Variants in CNTLN observed in about 807,000 individuals in gnomAD.
The protein encoded by CNTLN is centlein, centrosomal protein.
CNTLN carries 212 observed loss-of-function variants against 180.0 expected under a neutral mutation model. The ratio of observed to expected loss-of-function variants is 1.18; its 90% CI spans 1.05 to 1.32. The LOEUF is 1.32. Among genes scored for constraint, CNTLN ranks in the 40% most tolerant of loss-of-function variants. The pLI is 0.00. For missense variants in CNTLN, 2,095 were observed against 1,610.9 expected (o/e 1.30, Z -5.14); for synonymous variants, 722 against 563.1 (o/e 1.28, Z -3.99).
chr9:17,223,599 T>C (rs1824282096), intron 2 of CNTLN, among the ~76,000 whole-genome samples: 1 of 152,058 alleles, frequency 6.6e-6, no homozygotes, highest in African/African-American at 2.4e-5. Flanking sequence ...ATTTAATCAC[T>C]TCTCAATGCC....
chr9:17,294,992 A>G (rs1406623975), intron 6 of CNTLN, among the ~76,000 whole-genome samples: 1 of 150,894 alleles, frequency 6.6e-6, no homozygotes, highest in East Asian at 2.0e-4. Flanking sequence ...GGAGGCAGCT[A>G]AGGCCCGGTG....
At chr9:17,443,817 A>G (rs886843308) in intron 18 of CNTLN, among the ~76,000 whole-genome samples, 9 of 152,282 alleles carry the variant, frequency 5.9e-5, no homozygotes, top group Non-Finnish European at 1.5e-5. Flanking sequence ...GTTATCTGCT[A>G]TATGGGCAAA....
At chr9:17,400,931 C>T (rs976572326) in intron 15 of CNTLN, among the ~76,000 whole-genome samples, 1 of 152,124 alleles carries the variant, frequency 6.6e-6, no homozygotes, top group Non-Finnish European at 1.5e-5. Flanking sequence ...ATAGATTCCA[C>T]ACACACATAA....
chr9:17,395,075 G>C lies in CNTLN; in HGVS notation c.2615+6G>C, dbSNP rs752900095. 6.3e-7 allele frequency: 1 copy of C among 1,598,280 alleles called. No individual in the cohort carries two copies. Among genetic ancestry groups the C allele is most frequent in the South Asian group, 1.1e-5 (1 of 88,948 alleles). Reference sequence around the variant, plus strand: ...GAGGATGTGAGTGAAAGCAGGTAAGGCTCTCATTAACTTAGCTCTGTGGTG... The same window carrying C: ...GAGGATGTGAGTGAAAGCAGGTAAGCCTCTCATTAACTTAGCTCTGTGGTG... On this transcript the variant is annotated splice_donor_region_variant and intron_variant, in intron 15 of 25. Transcript: ENST00000380647.
At chr9:17,431,613 C>G (rs1157275277) in intron 18 of CNTLN, among the ~76,000 whole-genome samples, 1 of 151,936 alleles carries the variant, frequency 6.6e-6, no homozygotes, top group Non-Finnish European at 1.5e-5. Context: ...AAATATTGGC[C>G]CAAACCAGTG....
chr9:17,382,461 A>G (rs938470323), intron 13 of CNTLN, among the ~76,000 whole-genome samples: 4 of 152,334 alleles, frequency 2.6e-5, no homozygotes, highest in Middle Eastern at 3.4e-3. Context: ...CCTTTTAGGC[A>G]TATTCAGGTT....
intron 2 of CNTLN, among the ~76,000 whole-genome samples, chr9:17,168,871 C>G (rs1478804241): frequency 6.6e-6 from 1 of 151,876 alleles, no homozygotes; most frequent in Admixed American, 6.6e-5. Context: ...TGTGTTGGAT[C>G]TAGTGAAGGT....
chr9:17,287,207 T>G (rs1184194220), intron 6 of CNTLN, among the ~76,000 whole-genome samples: 2 of 151,546 alleles, frequency 1.3e-5, no homozygotes, highest in African/African-American at 4.9e-5. Context: ...TTGAGAGTTT[T>G]TAGCATGAAG....
intron 2 of CNTLN, among the ~76,000 whole-genome samples, chr9:17,156,660 C>T (rs981276892): frequency 6.6e-6 from 1 of 152,028 alleles, no homozygotes. Flanking sequence ...CAAAAATAAT[C>T]TTTTTAGATG....
intron 8 of CNTLN, among the ~76,000 whole-genome samples, chr9:17,323,526 G>A (rs1379781192): frequency 6.6e-6 from 1 of 152,178 alleles, no homozygotes; most frequent in East Asian, 1.9e-4. Context: ...TGCAAGATAA[G>A]TTCCCCAAAG....
chr9:17,348,676 A>C (rs952480208), intron 12 of CNTLN, among the ~76,000 whole-genome samples: 4 of 151,868 alleles, frequency 2.6e-5, no homozygotes, highest in African/African-American at 9.7e-5. Flanking sequence ...GATTATAGGC[A>C]TGCGTCACCA....
chr9:17,306,339 G>A (rs749997498), intron 7 of CNTLN, among the ~76,000 whole-genome samples: 10 of 152,020 alleles, frequency 6.6e-5, no homozygotes, highest in Non-Finnish European at 1.5e-4. Context: ...AGTAGAGACA[G>A]GGTTTCTCCA....
At chr9:17,298,460 T>A (rs2132793701) in intron 7 of CNTLN, 108 bp downstream of exon 7, 3 of 1,345,982 alleles carry the variant, frequency 2.2e-6, no homozygotes, top group Non-Finnish European at 2.9e-6. Flanking sequence ...TACTTCCTTT[T>A]ACATGTGTTT....
chr9:17,198,875 C>T (rs1200079725), intron 2 of CNTLN, among the ~76,000 whole-genome samples: 3 of 152,004 alleles, frequency 2.0e-5, no homozygotes, highest in African/African-American at 7.2e-5. Flanking sequence ...TTTTTTGTGG[C>T]TTCATAGTAT....
intron 14 of CNTLN, among the ~76,000 whole-genome samples, chr9:17,388,801 TATAAC>T (rs1160484650): frequency 2.1e-5 from 3 of 145,446 alleles, no homozygotes; most frequent in Non-Finnish European, 4.5e-5. Flanking sequence ...TTAGTCATAT[TATAAC>T]ATGTCTATCA....
chr9:17,376,365 A>G (rs1049139282), intron 13 of CNTLN, among the ~76,000 whole-genome samples: 1 of 152,174 alleles, frequency 6.6e-6, no homozygotes, highest in African/African-American at 2.4e-5. Context: ...AAGCAAAGAA[A>G]AAACTAGTTC....
At chr9:17,347,725 G>A (rs1341674828) in intron 12 of CNTLN, among the ~76,000 whole-genome samples, 2 of 150,944 alleles carry the variant, frequency 1.3e-5, no homozygotes, top group Admixed American at 6.6e-5. Context: ...TTGAATACAT[G>A]TAAACTACCA....
chr9:17,361,228 C>T (rs923701940), intron 12 of CNTLN, among the ~76,000 whole-genome samples: 6 of 152,098 alleles, frequency 3.9e-5, no homozygotes, highest in African/African-American at 9.7e-5. Flanking sequence ...CACCCCACAA[C>T]AGTCCCCAGT....
Position 17,298,651 on chromosome 9 carries a change from A to C in CNTLN, c.1146+299A>C, listed in dbSNP as rs183147274. ...TGAAACATACTAGGAGTATAGTCTCAAAACTGGAATGGAATTCCTCGGCCT... is the reference window on the plus strand; with the variant it reads ...TGAAACATACTAGGAGTATAGTCTCCAAACTGGAATGGAATTCCTCGGCCT... On this transcript the variant is annotated intron_variant, in intron 7 of 25. Coordinates refer to ENST00000380647, the MANE Select transcript of CNTLN (RefSeq NM_017738.4). 20 of 1,033,522 alleles carry C rather than the reference A, an allele frequency of 1.9e-5. No homozygotes were observed. In the African/African-American group the frequency reaches 3.4e-4, roughly 17 times the overall value. The allele number at this position is 1,033,522 out of a possible 1,614,324, so 64.0% of individuals were successfully genotyped here.
Sources: allele counts gnomAD v4.1 joint callset (sites outside exome capture counted in the v4.1 genomes callset), GRCh38; gene constraint gnomAD v4.1.1; transcripts MANE v1.5; gene names NCBI Gene and HGNC (gene_info 2026-07-23, HGNC 2026-07-21).